The following POTEC variants were observed in gnomAD, a reference collection of about 807,000 sequenced individuals.
POTEC encodes the protein ANKRD26-like family B member 2.
In POTEC, 35 loss-of-function variants were observed where a neutral mutation model predicts 62.0. That is an observed-to-expected ratio of 0.56 (90% CI 0.43 to 0.75). The LOEUF (loss-of-function observed/expected upper bound fraction) is 0.75, where lower values mean the gene tolerates loss of function less well. Among genes scored for constraint, POTEC ranks in the 30% least tolerant of loss-of-function variants. POTEC has a pLI of 0.00. For synonymous variants in POTEC, 156 were observed against 221.5 expected (o/e 0.70, Z 2.62); for missense variants, 472 against 655.9 (o/e 0.72, Z 3.06).
At chr18:14,541,201 T>C (rs1905920750) in intron 1 of POTEC, among the ~76,000 whole-genome samples, 1 of 152,090 alleles carries the variant, frequency 6.6e-6, no homozygotes. Flanking sequence ...TCATTCCTCT[T>C]CTAACTTAAA....
At chr18:14,514,724 G>A (rs188682558) in intron 9 of POTEC, among the ~76,000 whole-genome samples, 242 of 151,932 alleles carry the variant, frequency 1.6e-3, no homozygotes, top group African/African-American at 5.7e-3. Context: ...TTGGGCAAGA[G>A]AAATAAAGGG....
chr18:14,543,292 G>A lies in POTEC; in HGVS notation c.-146C>T. On this transcript the variant is annotated 5_prime_UTR_variant, in exon 1 of 11. Transcript: ENST00000358970. ...CCAAAACTTGCCAACCCCAGCAAGG[G>A]AGCCCAGTCCACCCCACCCAGGGAA... 5.1e-6 allele frequency: 7 copies of A among 1,376,894 alleles called. No homozygotes were observed. The highest frequency in any genetic ancestry group is 6.9e-6 in the Non-Finnish European group (7 of 1,016,550). The allele number at this position is 1,376,894 out of a possible 1,614,324, so 85.3% of individuals were successfully genotyped here.
At position 14,543,337 on chromosome 18, in the gene POTEC, AAAGCCCACGCCCACCAGGGGG is replaced by A; in HGVS notation, c.-212_-192del. ...AGGGAAAACCCACACCCACCCGGGG[AAAGCCCACGCCCACCAGGGGG>A]ACCCAACGCCCACCCCAGGAAAGGC... On this transcript the variant is annotated 5_prime_UTR_variant, in exon 1 of 11. Transcript: ENST00000358970. The A allele has an allele frequency of 2.9e-6, 3 of 1,033,492 alleles. No homozygotes were observed. 64.0% of individuals were successfully genotyped at this position (1,033,492 alleles called of 1,614,324 possible). A position where few individuals can be genotyped will look rare whatever the true frequency, so the allele number is the denominator to read the frequency against.
chr18:14,513,530 C>CAT (rs373094454), intron 10 of POTEC, 132 bp downstream of exon 10: 49,846 of 1,149,908 alleles, frequency 0.043, 448 homozygotes, highest in Middle Eastern at 0.088. Flanking sequence ...TGTGTGTTTA[C>CAT]ATATATACAC....
chr18:14,536,479 C>T (rs969168921), intron 3 of POTEC, among the ~76,000 whole-genome samples: 8 of 151,910 alleles, frequency 5.3e-5, no homozygotes, highest in Non-Finnish European at 5.9e-5. Context: ...GCAATCCTCC[C>T]ACCTCAGCCT....
At chr18:14,542,599 G>T in intron 1 of POTEC, 27 bp downstream of exon 1, 1 of 1,611,694 alleles carries the variant, frequency 6.2e-7, no homozygotes, top group South Asian at 1.1e-5. Flanking sequence ...CCCATGTCCC[G>T]CCTCCTCCCA....
intron 5 of POTEC, among the ~76,000 whole-genome samples, chr18:14,532,099 C>G (rs1905542708): frequency 6.6e-6 from 1 of 151,778 alleles, no homozygotes; most frequent in Non-Finnish European, 1.5e-5. Flanking sequence ...CAGTATAGAT[C>G]TGGTAGCAAA....
chr18:14,517,111 T>G (rs1910187352), intron 9 of POTEC, among the ~76,000 whole-genome samples: 1 of 149,456 alleles, frequency 6.7e-6, no homozygotes, highest in South Asian at 2.2e-4. Flanking sequence ...AAAACAGATA[T>G]TCCTGAGAGC....
At chr18:14,514,693 G>A (rs1910102472) in intron 9 of POTEC, among the ~76,000 whole-genome samples, 1 of 123,368 alleles carries the variant, frequency 8.1e-6, no homozygotes, top group Admixed American at 7.7e-5. Context: ...AAGAAAACTG[G>A]GAAGCCCTAA....
At chr18:14,535,836 T>C (rs1481163347) in intron 3 of POTEC, among the ~76,000 whole-genome samples, 3 of 151,854 alleles carry the variant, frequency 2.0e-5, no homozygotes, top group African/African-American at 4.8e-5. Flanking sequence ...CCTCTACTTA[T>C]TGGAAGACTA....
At chr18:14,535,185 C>A (rs985180738) in intron 3 of POTEC, among the ~76,000 whole-genome samples, 178 bp from the exon 4 acceptor site, 1 of 150,092 alleles carries the variant, frequency 6.7e-6, no homozygotes, top group Non-Finnish European at 1.5e-5. Flanking sequence ...CCCTTCTCTG[C>A]CTCACCACAT....
At chr18:14,525,276 T>C (rs980260200) in intron 6 of POTEC, among the ~76,000 whole-genome samples, 7 of 152,064 alleles carry the variant, frequency 4.6e-5, no homozygotes, top group Admixed American at 2.0e-4. Flanking sequence ...CAGTATGTTG[T>C]TCACTTCCTA....
intron 1 of POTEC, among the ~76,000 whole-genome samples, chr18:14,540,747 T>G (rs1247221111): frequency 1.3e-5 from 2 of 152,222 alleles, no homozygotes; most frequent in South Asian, 2.1e-4. Flanking sequence ...TTTAAAAATG[T>G]GGTTCTTACC....
intron 9 of POTEC, among the ~76,000 whole-genome samples, chr18:14,521,785 A>G (rs1174683086): frequency 2.0e-5 from 3 of 152,196 alleles, no homozygotes; most frequent in Non-Finnish European, 4.4e-5. Flanking sequence ...CTTCTTACTC[A>G]TTAGTGGAAA....
At chr18:14,529,629 G>A (rs1362438543) in intron 6 of POTEC, among the ~76,000 whole-genome samples, 2 of 152,176 alleles carry the variant, frequency 1.3e-5, no homozygotes, top group African/African-American at 2.4e-5. Flanking sequence ...AATCTGCTGA[G>A]CCTAGAAGTG....
In POTEC at chr18:14,537,769, G is replaced by A. The variant is rs983835788; in HGVS notation, c.810+32C>T. 6.8e-6 allele frequency: 11 copies of A among 1,607,716 alleles called. No homozygotes were observed. The Admixed American group carries it at 8.4e-5, about 12-fold the overall frequency. Reference sequence around the variant, plus strand: ...TCAATGTTAACACGAATGCATTTCAGTATTTTGAAGATAAAATTGGTAGAT... The same window carrying A: ...TCAATGTTAACACGAATGCATTTCAATATTTTGAAGATAAAATTGGTAGAT... On this transcript the variant is annotated intron_variant, in intron 3 of 10. Coordinates refer to ENST00000358970, the MANE Select transcript of POTEC (RefSeq NM_001137671.2).
rs1905999486 is a variant in POTEC at position 14,542,911 on chromosome 18, T to C, written c.236A>G (p.Asn79Ser). Residue 79 changes from asparagine (N) to serine (S), a missense_variant, in exon 1 of 11, where the codon AAC becomes AGC. Asn to Ser is a conservative substitution (Grantham distance 46, BLOSUM62 1). This residue lies in a region of POTEC where 257 missense variants were observed against 250.7 expected (regional missense o/e 1.03). Transcript: ENST00000358970. ...GTCATGGTCTCCAGAAGTGCCCACG[T>C]TGCTCGTGCCGCTCCCCCTGCAGCA... is the stretch of plus-strand genomic sequence containing the variant. ...FPCCRGSGTS[N>S]VGTSGDHDNS... The C allele has an allele frequency of 7.8e-7, 1 of 1,278,836 alleles. No homozygotes were observed. Among genetic ancestry groups the C allele is most frequent in the Non-Finnish European group, 1.1e-6 (1 of 928,900 alleles). The allele number at this position is 1,278,836 out of a possible 1,614,324, so 79.2% of individuals were successfully genotyped here.
intron 7 of POTEC, among the ~76,000 whole-genome samples, chr18:14,524,134 T>C (rs1299358067): frequency 6.6e-6 from 1 of 152,170 alleles, no homozygotes; most frequent in East Asian, 1.9e-4. Context: ...TAATATATTC[T>C]AAGGTGTACT....
chr18:14,524,230 A>G (rs1377912849), intron 7 of POTEC, among the ~76,000 whole-genome samples: 3 of 152,188 alleles, frequency 2.0e-5, no homozygotes, highest in African/African-American at 4.8e-5. Flanking sequence ...TTTGTGCACT[A>G]ACACCAAATG....
Sources: allele counts gnomAD v4.1 joint callset (sites outside exome capture counted in the v4.1 genomes callset), GRCh38; gene constraint gnomAD v4.1.1; regional missense constraint gnomAD v4.1.1; transcripts MANE v1.5; gene names NCBI Gene and HGNC (gene_info 2026-07-23, HGNC 2026-07-21).